WDR64: variants seen among roughly 807,000 people sequenced by gnomAD.
The protein encoded by WDR64 is WD repeat-containing protein 64.
In WDR64, 112 loss-of-function variants were observed where a neutral mutation model predicts 139.3. The ratio of observed to expected loss-of-function variants is 0.80; its 90% CI spans 0.69 to 0.94. WDR64 has a LOEUF of 0.94. WDR64 is among the 40% of genes least tolerant of loss of function. The probability of loss-of-function intolerance (pLI) is 0.00; values close to 1 mark genes in which losing one functional copy is unlikely to be tolerated. For missense variants in WDR64, 1,206 were observed against 1,293.1 expected (o/e 0.93, Z 1.03); for synonymous variants, 444 against 437.7 (o/e 1.01, Z -0.18).
At chr1:241,747,024 G>A (rs1354801464) in intron 13 of WDR64, among the ~76,000 whole-genome samples, 2 of 152,190 alleles carry the variant, frequency 1.3e-5, no homozygotes, top group African/African-American at 4.8e-5. Flanking sequence ...GCATCCCAAA[G>A]TGCTGGGATT....
chr1:241,723,500 T>A, intron 10 of WDR64, 64 bp downstream of exon 10: 1 of 1,524,350 alleles, frequency 6.6e-7, no homozygotes, highest in Non-Finnish European at 8.9e-7. Context: ...TTGGAAGGCA[T>A]AGGGATGATA....
rs80238680 is a variant in WDR64, at chr1:241,688,346, T to C, written c.974+751T>C. ...TGATGAAAATGTTCTAAACTTATTG[T>C]GGCGACTGTTGATTGTTACACAATT... On this transcript the variant is annotated intron_variant, in intron 8 of 27. Transcript: ENST00000437684. 6.2e-3 allele frequency among the ~76,000 whole-genome samples: 942 copies of C among 152,336 alleles called. 13 individuals are homozygous for C. Among genetic ancestry groups the C allele is most frequent in the African/African-American group, 0.022 (899 of 41,584 alleles).
chr1:241,704,275 C>A (rs1558481191), intron 8 of WDR64, among the ~76,000 whole-genome samples: 1 of 152,088 alleles, frequency 6.6e-6, no homozygotes, highest in Admixed American at 6.6e-5. Flanking sequence ...AGTCCAAACA[C>A]CAAACTGATA....
At chr1:241,721,176 C>T (rs1668596341) in intron 9 of WDR64, among the ~76,000 whole-genome samples, 1 of 152,092 alleles carries the variant, frequency 6.6e-6, no homozygotes, top group South Asian at 2.1e-4. Context: ...GTACCAGTAC[C>T]ATGCTGTTTT....
intron 10 of WDR64, among the ~76,000 whole-genome samples, chr1:241,734,478 A>C (rs1669216269): frequency 6.6e-6 from 1 of 152,178 alleles, no homozygotes; most frequent in Non-Finnish European, 1.5e-5. Context: ...CCTAAGAATA[A>C]AGTAAATAGA....
At chr1:241,669,015 AC>A (rs1350432912) in intron 2 of WDR64, among the ~76,000 whole-genome samples, 3 of 152,176 alleles carry the variant, frequency 2.0e-5, no homozygotes, top group African/African-American at 4.8e-5. Flanking sequence ...AGGCTTTCCA[AC>A]GATAACAATA....
At chr1:241,720,433 A>G (rs559192124) in intron 9 of WDR64, among the ~76,000 whole-genome samples, 18 of 152,164 alleles carry the variant, frequency 1.2e-4, no homozygotes, top group African/African-American at 3.9e-4. Context: ...CTGTAAAAGC[A>G]TTTCTTTTTC....
chr1:241,740,021 A>AT (rs1669473644), intron 11 of WDR64, among the ~76,000 whole-genome samples: 1 of 152,028 alleles, frequency 6.6e-6, no homozygotes, highest in South Asian at 2.1e-4. Flanking sequence ...ACAATCATCT[A>AT]TTTTTTTCAT....
Position 241,705,559 on chromosome 1 carries a change from AAATAAT to A in WDR64, c.975-6210_975-6205del, listed in dbSNP as rs71174832. On this transcript the variant is annotated intron_variant, in intron 8 of 27. Transcript: ENST00000437684. ...TCTGTCTCTAAAAAAATAAATAAAT[AAATAAT>A]AATAATAATAATAATAATAATAATA... 1.1e-3 allele frequency among the ~76,000 whole-genome samples: 151 copies of A among 136,640 alleles called. 1 individual carries two copies. Among genetic ancestry groups the A allele is most frequent in the South Asian group, 5.2e-3 (22 of 4,232 alleles). 89.6% of individuals were successfully genotyped at this position (136,640 alleles called of 152,430 possible). A position where few individuals can be genotyped will look rare whatever the true frequency, so the allele number is the denominator to read the frequency against.
chr1:241,680,540 G>A (rs1666740733), intron 6 of WDR64, among the ~76,000 whole-genome samples: 2 of 152,080 alleles, frequency 1.3e-5, no homozygotes, highest in South Asian at 4.1e-4. Context: ...TCCCATAGAA[G>A]CCTTTAGTTC....
chr1:241,717,099 GC>G (rs780595746), intron 9 of WDR64, among the ~76,000 whole-genome samples: 7 of 152,146 alleles, frequency 4.6e-5, no homozygotes, highest in Non-Finnish European at 1.0e-4. Context: ...TGTCTGAATA[GC>G]ATGACACATC....
intron 9 of WDR64, among the ~76,000 whole-genome samples, chr1:241,718,817 T>C (rs1354344816): frequency 1.3e-5 from 2 of 152,068 alleles, no homozygotes; most frequent in Non-Finnish European, 2.9e-5. Context: ...CTCTCCATGT[T>C]CTCAAATGGC....
chr1:241,709,578 C>T (rs1253073687), intron 8 of WDR64, among the ~76,000 whole-genome samples: 2 of 152,016 alleles, frequency 1.3e-5, no homozygotes, highest in African/African-American at 4.8e-5. Context: ...CATGCCATTG[C>T]ACTCCAGCCT....
intron 22 of WDR64, among the ~76,000 whole-genome samples, chr1:241,780,436 C>T (rs1658804137): frequency 6.6e-6 from 1 of 152,172 alleles, no homozygotes; most frequent in African/African-American, 2.4e-5. Flanking sequence ...AAACCTAGTG[C>T]AGAACCATTT....
At chr1:241,658,772 C>T (rs1439229529) in intron 1 of WDR64, among the ~76,000 whole-genome samples, 1 of 151,966 alleles carries the variant, frequency 6.6e-6, no homozygotes, top group Non-Finnish European at 1.5e-5. Flanking sequence ...TTTTTGCATT[C>T]CTGAACAAAA....
At chr1:241,750,066 C>G (rs1669924368) in intron 14 of WDR64, among the ~76,000 whole-genome samples, 1 of 152,188 alleles carries the variant, frequency 6.6e-6, no homozygotes, top group Non-Finnish European at 1.5e-5. Flanking sequence ...GAACTGCTTT[C>G]CAGCAGGCTC....
chr1:241,767,577 G>C (rs1658231476), intron 16 of WDR64, among the ~76,000 whole-genome samples: 1 of 152,148 alleles, frequency 6.6e-6, no homozygotes, highest in Admixed American at 6.5e-5. Flanking sequence ...GGGACGGGAA[G>C]AGATATAAAA....
intron 8 of WDR64, among the ~76,000 whole-genome samples, chr1:241,705,270 G>A (rs1055689514): frequency 6.6e-6 from 1 of 152,006 alleles, no homozygotes; most frequent in African/African-American, 2.4e-5. Context: ...GGCCGGGCGG[G>A]GTGGCTCACG....
chr1:241,788,073 A>G (rs374766940), intron 24 of WDR64, 39 bp downstream of exon 24: 10 of 1,511,738 alleles, frequency 6.6e-6, no homozygotes, highest in Non-Finnish European at 8.0e-6. Flanking sequence ...GCATACAAGA[A>G]TCAAACTGTT....
Sources: allele counts gnomAD v4.1 joint callset (sites outside exome capture counted in the v4.1 genomes callset), GRCh38; gene constraint gnomAD v4.1.1; transcripts MANE v1.5; gene names NCBI Gene and HGNC (gene_info 2026-07-23, HGNC 2026-07-21).